Variants in PYGO2 observed in about 807,000 individuals in gnomAD.
The protein encoded by PYGO2 is pygopus family PHD finger 2, also known as pygopus homolog 2.
In PYGO2, 9 loss-of-function variants were observed where a neutral mutation model predicts 26.7. The observed-to-expected ratio is 0.34, with a 90% CI of 0.20 to 0.59. The LOEUF is 0.59. PYGO2 is among the 20% of genes least tolerant of loss of function. PYGO2 has a pLI of 0.84. For missense variants in PYGO2, 538 were observed against 561.5 expected, an observed-to-expected ratio of 0.96 and a Z score of 0.42; for synonymous variants, 236 against 219.0, an observed-to-expected ratio of 1.08 and a Z score of -0.68.
At chr1:154,961,136 T>G in intron 1 of PYGO2, 110 bp from the exon 2 acceptor site, 1 of 967,000 alleles carries the variant, frequency 1.0e-6, no homozygotes, top group East Asian at 2.5e-5. Context: ...ACATACTTGC[T>G]TATTTATTCA....
rs186128173 is a variant in PYGO2 at position 154,958,073 on chromosome 1, G to A, written c.*706C>T. On this transcript the variant is annotated 3_prime_UTR_variant, in exon 3 of 3. Transcript: ENST00000368457. ...AAAAGCACGAGAGAGGCTGAGAAAG[G>A]ACCAGTGACTTTGGTATGAAGAAGA... The A allele has an allele frequency of 1.5e-4, 23 of 152,846 alleles. No homozygotes were observed. Among genetic ancestry groups the A allele is most frequent in the African/African-American group, 5.5e-4 (23 of 41,552 alleles). 9.5% of individuals were successfully genotyped at this position (152,846 alleles called of 1,614,324 possible).
At position 154,961,687 on chromosome 1, in the gene PYGO2, CCA is replaced by C. The variant is rs1371178260; in HGVS notation, c.-113_-112del. On this transcript the variant is annotated 5_prime_UTR_variant, in exon 1 of 3. Coordinates refer to ENST00000368457, the MANE Select transcript of PYGO2 (RefSeq NM_138300.4). ...AGCCCAGGCCCCCGAGCTGCAGCAA[CCA>C]CAAAGTGCGACGACAGGGAAGCGCC... 2.0e-5 allele frequency: 9 copies of C among 442,490 alleles called. No homozygotes were observed. The highest frequency in any genetic ancestry group is 3.6e-5 in the Non-Finnish European group (9 of 248,736). 27.4% of individuals were successfully genotyped at this position (442,490 alleles called of 1,614,324 possible).
chr1:154,959,669 C>T lies in PYGO2; in HGVS notation c.331G>A (p.Ala111Thr). 7.0e-7 allele frequency: 1 copy of T among 1,436,012 alleles called. No individual in the cohort carries two copies. The highest frequency in any genetic ancestry group is 9.2e-7 in the Non-Finnish European group (1 of 1,089,458). The allele number at this position is 1,436,012 out of a possible 1,614,324, so 89.0% of individuals were successfully genotyped here. A position where few individuals can be genotyped will look rare whatever the true frequency, so the allele number is the denominator to read the frequency against. The change falls in exon 3 of 3, where the codon GCG becomes ACG. Residue 111 changes from alanine to threonine, a missense_variant. Physicochemically the swap from Ala to Thr is moderately conservative, Grantham distance 58. Around this residue, in one of 4 missense-constraint regions of PYGO2, gnomAD observed 381 missense variants for 336.6 expected, o/e 1.13. Transcript: ENST00000368457. This position sits in a 1 kb window ranked among gnomAD's most constrained non-coding sequence, Gnocchi z 4.7. ...FGGFRVQGGM[A>T]GQVPPGYSTG... ...CTGTAGCCTGGGGGTACCTGGCCCG[C>T]CATGCCCCCCTGCACACGGAAGCCT...
rs1030097854 is a variant in PYGO2 at position 154,958,805 on chromosome 1, G to T, written c.1195C>A (p.Gln399Lys). 6.2e-7 allele frequency: 1 copy of T among 1,613,208 alleles called. No individual in the cohort carries two copies. Among genetic ancestry groups the T allele is most frequent in the Non-Finnish European group, 8.5e-7 (1 of 1,179,398 alleles). Reference protein sequence around the residue: ...QSVYIREGMGQLVAANDG With the variant: ...QSVYIREGMGKLVAANDG ...CACCCATCGTTAGCAGCCACCAGCT[G>T]CCCCATGCCCTCACGGATGTAGACA... The change falls in exon 3 of 3, where the codon CAG becomes AAG. Residue 399 changes from glutamine (Q) to lysine (K), a missense_variant. By Grantham distance (53) the Gln-to-Lys change is moderately conservative. Coordinates refer to ENST00000368457, the MANE Select transcript of PYGO2 (RefSeq NM_138300.4).
rs1655286460 is a variant in PYGO2, at chr1:154,959,891, C to CA, written c.154-46dup. ...GGAAAGAGGGTCATGGAGGGAAACA[C>CA]AGAGCTAAACCAAGAGAGCACTACC... On this transcript the variant is annotated intron_variant, in intron 2 of 2. Coordinates refer to ENST00000368457, the MANE Select transcript of PYGO2 (RefSeq NM_138300.4). The surrounding 1 kb of genome is among the most constrained non-coding windows in gnomAD (Gnocchi z 4.7). The CA allele has an allele frequency of 1.7e-6, 2 of 1,147,408 alleles. No individual in the cohort carries two copies. The highest frequency in any genetic ancestry group is 3.2e-5 in the African/African-American group (2 of 62,914). 71.1% of individuals were successfully genotyped at this position (1,147,408 alleles called of 1,614,324 possible).
chr1:154,959,911 A>G lies in PYGO2; in HGVS notation c.154-65T>C. 1.1e-6 allele frequency: 1 copy of G among 943,932 alleles called. No homozygotes were observed. Among genetic ancestry groups the G allele is most frequent in the Non-Finnish European group, 1.4e-6 (1 of 697,652 alleles). The allele number at this position is 943,932 out of a possible 1,614,324, so 58.5% of individuals were successfully genotyped here. A position where few individuals can be genotyped will look rare whatever the true frequency, so the allele number is the denominator to read the frequency against. On this transcript the variant is annotated intron_variant, in intron 2 of 2. Coordinates refer to ENST00000368457, the MANE Select transcript of PYGO2 (RefSeq NM_138300.4). This position sits in a 1 kb window ranked among gnomAD's most constrained non-coding sequence, Gnocchi z 4.7. ...AAACACAGAGCTAAACCAAGAGAGC[A>G]CTACCAACACAATACACATTTTGGA...
chr1:154,957,143 C>T lies in PYGO2; in HGVS notation c.*1636G>A, dbSNP rs1655208954. On this transcript the variant is annotated 3_prime_UTR_variant, in exon 3 of 3. Transcript: ENST00000368457. ...GTGAGAGAGCGAGAGGGAGCAGATC[C>T]AGCAAAAACACTCCCCCAGGGGCCA... 1 of 152,336 alleles carries T rather than the reference C, an allele frequency of 6.6e-6. No individual in the cohort carries two copies. Among genetic ancestry groups the T allele is most frequent in the South Asian group, 2.1e-4 (1 of 4,828 alleles). The allele number at this position is 152,336 out of a possible 1,614,324, so 9.4% of individuals were successfully genotyped here.
At position 154,958,927 on chromosome 1, in the gene PYGO2, C is replaced by T; in HGVS notation, c.1073G>A (p.Cys358Tyr). ...ATAGGCGCTCTCAGTCATGCCTGTG[C>T]ACTCACGGTGGAACCATTTCTGGCA... is the stretch of plus-strand genomic sequence containing the variant. The part of the protein sequence containing the change: ...ASCQKWFHRE[C>Y]TGMTESAYGL... The change falls in exon 3 of 3, where the codon TGC becomes TAC. Residue 358 changes from cysteine (C) to tyrosine (Y), a missense_variant. Cys to Tyr is a radical substitution (Grantham distance 194, BLOSUM62 -2). Coordinates refer to ENST00000368457, the MANE Select transcript of PYGO2 (RefSeq NM_138300.4). 2 of 1,614,068 alleles carry T rather than the reference C, an allele frequency of 1.2e-6. No homozygotes were observed. The highest frequency in any genetic ancestry group is 1.7e-6 in the Non-Finnish European group (2 of 1,180,042).
chr1:154,961,610 G>A lies in PYGO2; in HGVS notation c.-34C>T. The A allele has an allele frequency of 1.6e-6, 1 of 637,736 alleles. No individual in the cohort carries two copies. The highest frequency in any genetic ancestry group is 2.5e-6 in the Non-Finnish European group (1 of 402,952). The allele number at this position is 637,736 out of a possible 1,614,324, so 39.5% of individuals were successfully genotyped here. ...GGACCCGGGTTAGCGGCAGCGGCGG[G>A]GGATGGAGGCGCCCTTGGGCTGCAC... On this transcript the variant is annotated 5_prime_UTR_variant, in exon 1 of 3. Transcript: ENST00000368457.
rs889610894 is a variant in PYGO2, at chr1:154,959,174, G to A, written c.826C>T (p.His276Tyr). 3 of 1,582,800 alleles carry A rather than the reference G, an allele frequency of 1.9e-6. No homozygotes were observed. Among genetic ancestry groups the A allele is most frequent in the Admixed American group, 1.8e-5 (1 of 55,566 alleles). The change falls in exon 3 of 3, where the codon CAC (histidine) becomes TAC (tyrosine). Residue 276 changes from histidine to tyrosine, a missense_variant. Physicochemically the swap from His to Tyr is moderately conservative, Grantham distance 83. Around this residue, in one of 4 missense-constraint regions of PYGO2, gnomAD observed 381 missense variants for 336.6 expected, o/e 1.13. Transcript: ENST00000368457. This position sits in a 1 kb window ranked among gnomAD's most constrained non-coding sequence, Gnocchi z 4.7. ...PASTAFPQEP[H>Y]SGSPAAAVNG... ...ACAGCAGCAGCCGGGGAGCCTGAGT[G>A]GGGCTCCTGGGGAAAAGCAGTAGAA...
In PYGO2 at chr1:154,961,493, C is replaced by A; in HGVS notation, c.84G>T (p.Gly28=). 6.7e-7 allele frequency: 1 copy of A among 1,483,288 alleles called. No homozygotes were observed. Among genetic ancestry groups the A allele is most frequent in the Non-Finnish European group, 8.9e-7 (1 of 1,123,906 alleles). The allele number at this position is 1,483,288 out of a possible 1,614,324, so 91.9% of individuals were successfully genotyped here. Residue 28 remains glycine, a synonymous_variant, in exon 1 of 3, where the codon GGG becomes GGT. Coordinates refer to ENST00000368457, the MANE Select transcript of PYGO2 (RefSeq NM_138300.4). The stretch of plus-strand genomic sequence containing the variant: ...GCTCACCGGCCTTGCCCTGCTTCCT[C>A]CCGGTGCTGGGCGGCGCAGGGGGCG... The part of the protein sequence containing the change: ...PAPPPAPPST[G]RKQGKAGLQM...
In PYGO2 at chr1:154,959,255, G is replaced by A. The variant is rs1655265069; in HGVS notation, c.745C>T (p.Pro249Ser). The A allele has an allele frequency of 1.9e-6, 3 of 1,563,482 alleles. No homozygotes were observed. Among genetic ancestry groups the A allele is most frequent in the Non-Finnish European group, 2.6e-6 (3 of 1,156,308 alleles). ...TCACCACCAGGGCCAGGAAAGCCAGGGTCCGGACCAGGAAAGGGACTTGTG... is the reference window on the plus strand; with the variant it reads ...TCACCACCAGGGCCAGGAAAGCCAGAGTCCGGACCAGGAAAGGGACTTGTG... ...PNTSPFPGPDPGFPGPGGEDG... is the reference protein window; with the variant it reads ...PNTSPFPGPDSGFPGPGGEDG... Residue 249 changes from proline (P) to serine (S), a missense_variant, in exon 3 of 3, where the codon CCT becomes TCT. Coordinates refer to ENST00000368457, the MANE Select transcript of PYGO2 (RefSeq NM_138300.4). The surrounding 1 kb of genome is among the most constrained non-coding windows in gnomAD (Gnocchi z 4.7).
At position 154,959,049 on chromosome 1, in the gene PYGO2, G is replaced by A. The variant is rs1427935652; in HGVS notation, c.951C>T (p.Gly317=). Residue 317 remains glycine, a synonymous_variant, in exon 3 of 3, where the codon GGC becomes GGT. Coordinates refer to ENST00000368457, the MANE Select transcript of PYGO2 (RefSeq NM_138300.4). The surrounding 1 kb of genome is among the most constrained non-coding windows in gnomAD (Gnocchi z 4.7). ...AGCCTGGGGGAGGCTGGGGCCCGGA[G>A]CCCCCACCTGCCTTGCCAGGGGGTG... is the stretch of plus-strand genomic sequence containing the variant. ...SLAPPGKAGG[G]SGPQPPPGLV... 6.2e-7 allele frequency: 1 copy of A among 1,613,078 alleles called. No individual in the cohort carries two copies. Among genetic ancestry groups the A allele is most frequent in the African/African-American group, 1.3e-5 (1 of 74,918 alleles).
chr1:154,959,233 C>A lies in PYGO2; in HGVS notation c.767G>T (p.Gly256Val). 6.4e-7 allele frequency: 1 copy of A among 1,563,226 alleles called. No individual in the cohort carries two copies. Among genetic ancestry groups the A allele is most frequent in the Non-Finnish European group, 8.6e-7 (1 of 1,156,190 alleles). Reference sequence around the variant, plus strand: ...ATTCAAGGGCTTCCCCCCATCCTCACCACCAGGGCCAGGAAAGCCAGGGTC... The same window carrying A: ...ATTCAAGGGCTTCCCCCCATCCTCAACACCAGGGCCAGGAAAGCCAGGGTC... ...GPDPGFPGPG[G>V]EDGGKPLNPP... The change falls in exon 3 of 3, where the codon GGT becomes GTT. Residue 256 changes from glycine to valine, a missense_variant. This residue lies in a region of PYGO2 where 381 missense variants were observed against 336.6 expected (regional missense o/e 1.13). Coordinates refer to ENST00000368457, the MANE Select transcript of PYGO2 (RefSeq NM_138300.4). This position sits in a 1 kb window ranked among gnomAD's most constrained non-coding sequence, Gnocchi z 4.7.
chr1:154,959,444 G>A lies in PYGO2; in HGVS notation c.556C>T (p.Pro186Ser), dbSNP rs1655272343. The A allele has an allele frequency of 1.3e-6, 2 of 1,528,936 alleles. No individual in the cohort carries two copies. The highest frequency in any genetic ancestry group is 1.8e-6 in the Non-Finnish European group (2 of 1,139,548). The allele number at this position is 1,528,936 out of a possible 1,614,324, so 94.7% of individuals were successfully genotyped here. Residue 186 changes from proline to serine, a missense_variant, in exon 3 of 3, where the codon CCA (proline) becomes TCA (serine). This residue lies in a region of PYGO2 where 381 missense variants were observed against 336.6 expected (regional missense o/e 1.13). Transcript: ENST00000368457. This position sits in a 1 kb window ranked among gnomAD's most constrained non-coding sequence, Gnocchi z 4.7. The part of the protein sequence containing the change: ...SPPSGQMMPG[P>S]VGGFGPMISP... Reference sequence around the variant, plus strand: ...ATCATGGGACCAAATCCCCCCACTGGGCCCGGCATCATCTGCCCACTGGGA... The same window carrying A: ...ATCATGGGACCAAATCCCCCCACTGAGCCCGGCATCATCTGCCCACTGGGA...
In PYGO2 at chr1:154,961,531, C is replaced by A. The variant is rs1221881962; in HGVS notation, c.46G>T (p.Gly16Cys). The stretch of plus-strand genomic sequence containing the variant: ...GGCGCAGGGGGCGGTGCGGGGCCGC[C>A]ACCTCCCTCCAGCTTGTCCGGTGGG... ...PPPPDKLEGGGGPAPPPAPPS... is the reference protein window; with the variant it reads ...PPPPDKLEGGCGPAPPPAPPS... The change falls in exon 1 of 3, where the codon GGC becomes TGC. Residue 16 changes from glycine to cysteine, a missense_variant. Coordinates refer to ENST00000368457, the MANE Select transcript of PYGO2 (RefSeq NM_138300.4). 7.1e-7 allele frequency: 1 copy of A among 1,414,460 alleles called. No individual in the cohort carries two copies. Among genetic ancestry groups the A allele is most frequent in the Non-Finnish European group, 9.2e-7 (1 of 1,092,644 alleles). The allele number at this position is 1,414,460 out of a possible 1,614,324, so 87.6% of individuals were successfully genotyped here. A position where few individuals can be genotyped will look rare whatever the true frequency, so the allele number is the denominator to read the frequency against.
chr1:154,959,905 G>T lies in PYGO2; in HGVS notation c.154-59C>A. On this transcript the variant is annotated intron_variant, in intron 2 of 2. Coordinates refer to ENST00000368457, the MANE Select transcript of PYGO2 (RefSeq NM_138300.4). The surrounding 1 kb of genome is among the most constrained non-coding windows in gnomAD (Gnocchi z 4.7). ...GGAGGGAAACACAGAGCTAAACCAA[G>T]AGAGCACTACCAACACAATACACAT... is the stretch of plus-strand genomic sequence containing the variant. 1 of 1,014,266 alleles carries T rather than the reference G, an allele frequency of 9.9e-7. No homozygotes were observed. The allele number at this position is 1,014,266 out of a possible 1,614,324, so 62.8% of individuals were successfully genotyped here.
rs373866263 is a variant in PYGO2 at position 154,961,517 on chromosome 1, C to T, written c.60G>A (p.Pro20=). The T allele has an allele frequency of 1.5e-4, 209 of 1,430,308 alleles. No homozygotes were observed. The East Asian group carries it at 5.1e-3, about 35-fold the overall frequency. The allele number at this position is 1,430,308 out of a possible 1,614,324, so 88.6% of individuals were successfully genotyped here. ...DKLEGGGGPA[P]PPAPPSTGRK... Reference sequence around the variant, plus strand: ...TCCCGGTGCTGGGCGGCGCAGGGGGCGGTGCGGGGCCGCCACCTCCCTCCA... The same window carrying T: ...TCCCGGTGCTGGGCGGCGCAGGGGGTGGTGCGGGGCCGCCACCTCCCTCCA... The change falls in exon 1 of 3, where the codon CCG becomes CCA. Residue 20 remains proline (P), a synonymous_variant. Transcript: ENST00000368457.
chr1:154,958,654 C>T lies in PYGO2; in HGVS notation c.*125G>A. 1 of 755,250 alleles carries T rather than the reference C, an allele frequency of 1.3e-6. No homozygotes were observed. The highest frequency in any genetic ancestry group is 2.1e-6 in the Non-Finnish European group (1 of 470,338). 46.8% of individuals were successfully genotyped at this position (755,250 alleles called of 1,614,324 possible). A position where few individuals can be genotyped will look rare whatever the true frequency, so the allele number is the denominator to read the frequency against. ...TCAATTCCTTTTCTGCTCCCAGGAG[C>T]CACTGTTTCTGCCCCATGGGGATGG... On this transcript the variant is annotated 3_prime_UTR_variant, in exon 3 of 3. Coordinates refer to ENST00000368457, the MANE Select transcript of PYGO2 (RefSeq NM_138300.4).
Sources: gnomAD v4.1 joint callset for allele counts on GRCh38, gnomAD v4.1.1 for gene constraint, gnomAD v4.1.1 regional missense constraint, Gnocchi (gnomAD v3.1) non-coding constraint, MANE v1.5 for transcripts, NCBI Gene and HGNC (gene_info 2026-07-23, HGNC 2026-07-21) for gene names.